Variants in MBTD1 observed in about 807,000 individuals in gnomAD.
MBTD1 encodes mbt domain containing 1.
Under a neutral mutation model 87.8 loss-of-function variants are expected in MBTD1, and 24 were observed. The ratio of observed to expected loss-of-function variants is 0.27; its 90% CI spans 0.20 to 0.38. MBTD1 has a LOEUF of 0.38. Ranked by LOEUF, MBTD1 falls within the 10% of genes least tolerant of loss-of-function variation. MBTD1 has a pLI of 1.00. For synonymous variants in MBTD1, 237 were observed against 248.6 expected, an observed-to-expected ratio of 0.95 and a Z score of 0.44; for missense variants, 436 against 760.2, an observed-to-expected ratio of 0.57 and a Z score of 5.02.
chr17:51,193,236 C>T (rs1051694089), intron 14 of MBTD1, among the ~76,000 whole-genome samples, 192 bp downstream of exon 14: 2 of 151,810 alleles, frequency 1.3e-5, no homozygotes, highest in African/African-American at 4.8e-5. Flanking sequence ...AGATTAAAAA[C>T]GAAACATAGT....
At chr17:51,257,656 A>G (rs1006717190) in intron 2 of MBTD1, among the ~76,000 whole-genome samples, 2 of 152,188 alleles carry the variant, frequency 1.3e-5, no homozygotes, top group African/African-American at 4.8e-5. Flanking sequence ...TAGAATGCAG[A>G]TGTCTCCAAA....
intron 6 of MBTD1, among the ~76,000 whole-genome samples, chr17:51,215,412 T>A (rs376756989): frequency 1.4e-4 from 22 of 152,328 alleles, no homozygotes; most frequent in African/African-American, 3.6e-4. Flanking sequence ...CCATTTTTTT[T>A]AATACCCTGA....
At chr17:51,239,122 A>G (rs549847842) in intron 2 of MBTD1, among the ~76,000 whole-genome samples, 2 of 151,788 alleles carry the variant, frequency 1.3e-5, no homozygotes, top group South Asian at 4.2e-4. Flanking sequence ...AAGTCAATGA[A>G]CTGGATAAGC....
Position 51,179,482 on chromosome 17 carries a change from TTTTATATATATATATATATATATA to T in MBTD1, c.*1070_*1093del, listed in dbSNP as rs1460197561. On this transcript the variant is annotated 3_prime_UTR_variant, in exon 17 of 17. Coordinates refer to ENST00000586178, the MANE Select transcript of MBTD1 (RefSeq NM_017643.3). ...AAATCCTGAATACAATTAAAGACAA[TTTTATATATATATATATATATATA>T]TATATATATATATATATATATATAT... The T allele has an allele frequency of 8.6e-3, 272 of 31,648 alleles. 29 individuals are homozygous for T. The highest frequency in any genetic ancestry group is 0.034 in the African/African-American group (193 of 5,720). The allele number at this position is 31,648 out of a possible 1,614,324, so 2.0% of individuals were successfully genotyped here.
intron 5 of MBTD1, among the ~76,000 whole-genome samples, chr17:51,218,371 A>T (rs960480641): frequency 2.6e-5 from 4 of 152,008 alleles, no homozygotes; most frequent in Non-Finnish European, 4.4e-5. Context: ...TCTACTAAAA[A>T]TACAAAAATA....
chr17:51,241,473 C>G (rs138948328), intron 2 of MBTD1, among the ~76,000 whole-genome samples: 1 of 152,296 alleles, frequency 6.6e-6, no homozygotes, highest in Non-Finnish European at 1.5e-5. Context: ...CCCAACATTC[C>G]CTGCACGTTC....
intron 16 of MBTD1, chr17:51,183,957 T>A (rs2144983648): frequency 6.6e-6 from 1 of 152,356 alleles, no homozygotes; most frequent in African/African-American, 2.4e-5. Context: ...ACATGTTTCA[T>A]TCAAACGGAT....
At chr17:51,195,141 A>T in intron 13 of MBTD1, 73 bp downstream of exon 13, 1 of 1,392,378 alleles carries the variant, frequency 7.2e-7, no homozygotes, top group Non-Finnish European at 9.9e-7. Flanking sequence ...GGGCTGTGTT[A>T]AATGTTGTAA....
At chr17:51,223,371 G>GAA (rs1444304176) in intron 3 of MBTD1, among the ~76,000 whole-genome samples, 1 of 151,018 alleles carries the variant, frequency 6.6e-6, no homozygotes, top group Admixed American at 6.6e-5. Flanking sequence ...GCCCGTCTCT[G>GAA]AAAAAAATAC....
intron 12 of MBTD1, among the ~76,000 whole-genome samples, chr17:51,201,108 G>A (rs1004707158): frequency 1.3e-5 from 2 of 152,086 alleles, no homozygotes; most frequent in South Asian, 2.1e-4. Flanking sequence ...CAACCTAGGC[G>A]ACAGAGAGAG....
intron 10 of MBTD1, 22 bp downstream of exon 10, chr17:51,202,679 A>C (rs1294429806): frequency 9.0e-6 from 14 of 1,548,988 alleles, no homozygotes; most frequent in Non-Finnish European, 1.2e-5. Flanking sequence ...TTTTGACAGG[A>C]GTTCTTGTGA....
chr17:51,214,212 C>T (rs1489366984), intron 6 of MBTD1, among the ~76,000 whole-genome samples: 1 of 152,158 alleles, frequency 6.6e-6, no homozygotes, highest in Non-Finnish European at 1.5e-5. Context: ...AGCCATCTTC[C>T]TACCTTGGCC....
intron 2 of MBTD1, among the ~76,000 whole-genome samples, chr17:51,237,641 G>A (rs757405074): frequency 3.3e-5 from 5 of 152,154 alleles, no homozygotes; most frequent in Non-Finnish European, 5.9e-5. Flanking sequence ...ACACCTATTA[G>A]AATGACTAAA....
At chr17:51,230,846 G>T (rs1210552350) in intron 2 of MBTD1, among the ~76,000 whole-genome samples, 1 of 151,938 alleles carries the variant, frequency 6.6e-6, no homozygotes, top group Non-Finnish European at 1.5e-5. Flanking sequence ...TTATCACAGA[G>T]CCTGCTCTAC....
intron 2 of MBTD1, among the ~76,000 whole-genome samples, chr17:51,247,441 CTTTTTTTT>C (rs58720477): frequency 2.6e-3 from 345 of 131,998 alleles, no homozygotes; most frequent in East Asian, 5.9e-3. Flanking sequence ...ATCAGTATTA[CTTTTTTTT>C]TTTTTTTTTT....
At position 51,179,483 on chromosome 17, in the gene MBTD1, TTTATA is replaced by T. The variant is rs1403024996; in HGVS notation, c.*1088_*1092del. Reference sequence around the variant, plus strand: ...AATCCTGAATACAATTAAAGACAATTTTATATATATATATATATATATATATATAT... The same window carrying T: ...AATCCTGAATACAATTAAAGACAATTTATATATATATATATATATATATAT... On this transcript the variant is annotated 3_prime_UTR_variant, in exon 17 of 17. Transcript: ENST00000586178. 0.012 allele frequency: 433 copies of T among 37,014 alleles called. 21 individuals are homozygous for T. Among genetic ancestry groups the T allele is most frequent in the African/African-American group, 0.021 (131 of 6,106 alleles). The allele number at this position is 37,014 out of a possible 1,614,324, so 2.3% of individuals were successfully genotyped here.
At chr17:51,224,648 T>G (rs2053108784) in intron 3 of MBTD1, among the ~76,000 whole-genome samples, 1 of 152,218 alleles carries the variant, frequency 6.6e-6, no homozygotes, top group African/African-American at 2.4e-5. Flanking sequence ...ACGGAAATTA[T>G]AAGAAATTAA....
rs1221524735 is a variant in MBTD1 at position 51,215,964 on chromosome 17, C to T, written c.486+1370G>A. Among the ~76,000 whole-genome samples the T allele has an allele frequency of 2.2e-5, 3 of 135,594 alleles. No homozygotes were observed. In the Admixed American group the frequency reaches 2.4e-4, roughly 11 times the overall value. The allele number at this position is 135,594 out of a possible 152,430, so 89.0% of individuals were successfully genotyped here. A position where few individuals can be genotyped will look rare whatever the true frequency, so the allele number is the denominator to read the frequency against. ...TTTTTTTTTTTGAGACTGAGTGTCG[C>T]TCTATTGCCCAGGCTGGAGTGCAGT... On this transcript the variant is annotated intron_variant, in intron 6 of 16. Transcript: ENST00000586178.
intron 2 of MBTD1, among the ~76,000 whole-genome samples, chr17:51,238,542 T>C (rs916037030): frequency 4.6e-5 from 7 of 152,132 alleles, no homozygotes; most frequent in Admixed American, 2.0e-4. Flanking sequence ...AACCAGATTG[T>C]ATTAGAAAAA....
Sources: gnomAD v4.1 joint callset for allele counts (sites outside exome capture counted in the v4.1 genomes callset) on GRCh38, gnomAD v4.1.1 for gene constraint, MANE v1.5 for transcripts, NCBI Gene and HGNC (gene_info 2026-07-23, HGNC 2026-07-21) for gene names.